Variants in HADHB observed in about 807,000 individuals in gnomAD.
The protein encoded by HADHB is trifunctional enzyme subunit beta, mitochondrial.
A neutral mutation model predicts 61.9 loss-of-function variants in HADHB; 50 were observed. The observed-to-expected ratio is 0.81, with a 90% confidence interval of 0.64 to 1.02. The LOEUF is 1.02. Among genes scored for constraint, HADHB ranks in the 50% least tolerant of loss-of-function variants. HADHB has a pLI of 0.00. For synonymous variants in HADHB, 191 were observed against 201.6 expected, an observed-to-expected ratio of 0.95 and a Z score of 0.45; for missense variants, 504 against 586.5, an observed-to-expected ratio of 0.86 and a Z score of 1.45.
At chr2:26,284,239 T>C (rs772100693) in intron 13 of HADHB, 35 bp downstream of exon 13, 2 of 1,099,956 alleles carry the variant, frequency 1.8e-6, no homozygotes, top group South Asian at 1.2e-5. Context: ...GAAGGGACTA[T>C]AGTCATAAAA....
chr2:26,277,233 CTTTTTTTTTTTT>C (rs34696184), intron 7 of HADHB, 73 bp downstream of exon 7: 6 of 438,918 alleles, frequency 1.4e-5, no homozygotes, highest in South Asian at 1.2e-4. Context: ...TAAAAATGTA[CTTTTTTTTTTTT>C]TTTTTTTTTT....
intron 3 of HADHB, among the ~76,000 whole-genome samples, chr2:26,259,455 C>T (rs1417180308): frequency 6.6e-6 from 1 of 152,126 alleles, no homozygotes; most frequent in Non-Finnish European, 1.5e-5. Context: ...AAGATCAGCT[C>T]CTGGTCAACA....
Position 26,287,229 on chromosome 2 carries a change from T to TA in HADHB, c.1389+1659dup, listed in dbSNP as rs534155153. Among the ~76,000 whole-genome samples the TA allele has an allele frequency of 2.3e-4, 35 of 152,278 alleles. 1 individual carries two copies. The South Asian group carries it at 6.0e-3, about 26-fold the overall frequency. On this transcript the variant is annotated intron_variant, in intron 15 of 15. Transcript: ENST00000317799. The stretch of plus-strand genomic sequence containing the variant: ...AAAATAAAGTAAATGAAATAAATCT[T>TA]ACGTTTAAAAGCCCTTTTTCATGGA...
Position 26,279,890 on chromosome 2 carries a change from G to T in HADHB, c.812-104G>T, listed in dbSNP as rs2147826254. 3.5e-6 allele frequency: 3 copies of T among 858,762 alleles called. 1 individual carries two copies. In the South Asian group the frequency reaches 4.4e-5, roughly 13 times the overall value. 53.2% of individuals were successfully genotyped at this position (858,762 alleles called of 1,614,324 possible). On this transcript the variant is annotated intron_variant, in intron 9 of 15. Coordinates refer to ENST00000317799, the MANE Select transcript of HADHB (RefSeq NM_000183.3). ...ACTTTCCTTCTAGTGAATAGGTAAGGTTTATATTTCATTTGTTTTTGTAAT... is the reference window on the plus strand; with the variant it reads ...ACTTTCCTTCTAGTGAATAGGTAAGTTTTATATTTCATTTGTTTTTGTAAT...
chr2:26,271,260 C>T (rs1672337172), intron 5 of HADHB, among the ~76,000 whole-genome samples: 1 of 151,160 alleles, frequency 6.6e-6, no homozygotes. Context: ...GTAATCCCAG[C>T]ACTTTGGGAG....
intron 5 of HADHB, among the ~76,000 whole-genome samples, chr2:26,272,346 CT>C (rs11340590): frequency 0.1 from 14,013 of 135,906 alleles, 1,825 homozygotes; most frequent in East Asian, 0.72. Context: ...TCCCATTTGT[CT>C]TTTTTTTTTT....
chr2:26,263,501 T>G (rs1558347479), intron 4 of HADHB, 22 bp downstream of exon 4: 2 of 1,428,736 alleles, frequency 1.4e-6, no homozygotes, highest in Non-Finnish European at 2.0e-6. Flanking sequence ...ATGATCATAT[T>G]ATTTTTTTCC....
chr2:26,270,824 A>G (rs915295210), intron 5 of HADHB, among the ~76,000 whole-genome samples: 6 of 150,818 alleles, frequency 4.0e-5, no homozygotes, highest in Non-Finnish European at 7.4e-5. Flanking sequence ...CTTCTTAGTA[A>G]TATGCCTTTA....
chr2:26,275,910 T>C (rs1672518085), intron 6 of HADHB, among the ~76,000 whole-genome samples: 3 of 152,124 alleles, frequency 2.0e-5, no homozygotes, highest in South Asian at 4.1e-4. Context: ...TATAGGAGAG[T>C]GTGTTCTGAG....
At position 26,260,013 on chromosome 2, in the gene HADHB, T is replaced by C. The variant is rs554229595; in HGVS notation, c.110-3367T>C. ...GGAACCGAGTAAAACAAGCTATTTG[T>C]TAGAAGAGTTAAGAATTTGAATTTT... On this transcript the variant is annotated intron_variant, in intron 3 of 15. Transcript: ENST00000317799. 2.6e-4 allele frequency among the ~76,000 whole-genome samples: 40 copies of C among 152,204 alleles called. 1 individual carries two copies. Among genetic ancestry groups the C allele is most frequent in the African/African-American group, 9.1e-4 (38 of 41,542 alleles).
chr2:26,250,823 A>C (rs996591112), intron 1 of HADHB, among the ~76,000 whole-genome samples: 5 of 152,026 alleles, frequency 3.3e-5, no homozygotes, highest in African/African-American at 1.2e-4. Flanking sequence ...CCTGTCTCTA[A>C]AAAATACATA....
intron 1 of HADHB, among the ~76,000 whole-genome samples, chr2:26,249,502 C>T (rs773627594): frequency 6.6e-6 from 1 of 152,172 alleles, no homozygotes; most frequent in East Asian, 1.9e-4. Context: ...CAGAGTGAGA[C>T]TCCGTCTCAA....
At chr2:26,282,816 T>C in intron 10 of HADHB, 29 bp from the exon 11 acceptor site, 1 of 1,554,466 alleles carries the variant, frequency 6.4e-7, no homozygotes, top group South Asian at 1.1e-5. Context: ...GGCTGAAGAA[T>C]TTTAACATTG....
intron 10 of HADHB, among the ~76,000 whole-genome samples, chr2:26,280,575 G>A (rs938670469): frequency 1.3e-5 from 2 of 152,050 alleles, no homozygotes; most frequent in African/African-American, 4.8e-5. Flanking sequence ...ATTTCAGGCC[G>A]GGTGCGGTGG....
chr2:26,280,179 GC>G lies in HADHB; in HGVS notation c.933+66del, dbSNP rs1558358013. The G allele has an allele frequency of 3.7e-6, 5 of 1,337,392 alleles. No individual in the cohort carries two copies. The East Asian group carries it at 1.1e-4, about 31-fold the overall frequency. The allele number at this position is 1,337,392 out of a possible 1,614,324, so 82.8% of individuals were successfully genotyped here. A position where few individuals can be genotyped will look rare whatever the true frequency, so the allele number is the denominator to read the frequency against. On this transcript the variant is annotated intron_variant, in intron 10 of 15. Transcript: ENST00000317799. ...CTATTTCTGTACTCTCTGTAGAAAA[GC>G]CTAATATAACTTTTTGTGTGTGTTA...
In HADHB at chr2:26,254,466, C is replaced by G. The variant is rs1671531344; in HGVS notation, c.101C>G (p.Ala34Gly). ...CTGAGCTGTTCCTCCCAGCTACGAGCTGCCCCAGGTACAGTAATTTGTAAA... is the reference window on the plus strand; with the variant it reads ...CTGAGCTGTTCCTCCCAGCTACGAGGTGCCCCAGGTACAGTAATTTGTAAA... The part of the protein sequence containing the change: ...RPLSCSSQLR[A>G]APAVQTKTKK... Residue 34 changes from alanine to glycine, a missense_variant, in exon 3 of 16, where the codon GCT becomes GGT. Ala to Gly is a moderately conservative substitution (Grantham distance 60, BLOSUM62 0). Coordinates refer to ENST00000317799, the MANE Select transcript of HADHB (RefSeq NM_000183.3). 1 of 1,577,486 alleles carries G rather than the reference C, an allele frequency of 6.3e-7. No individual in the cohort carries two copies. The highest frequency in any genetic ancestry group is 1.3e-5 in the African/African-American group (1 of 74,226).
intron 3 of HADHB, among the ~76,000 whole-genome samples, chr2:26,263,028 G>C (rs1671923509): frequency 6.6e-6 from 1 of 152,022 alleles, no homozygotes; most frequent in South Asian, 2.1e-4. Context: ...GGCCAGGCAC[G>C]GTAGCTCACA....
intron 3 of HADHB, among the ~76,000 whole-genome samples, chr2:26,257,647 A>C (rs1671685247): frequency 6.6e-6 from 1 of 151,912 alleles, no homozygotes; most frequent in African/African-American, 2.4e-5. Flanking sequence ...GCAGGGCCAA[A>C]GCAGCCCTAA....
At position 26,261,213 on chromosome 2, in the gene HADHB, C is replaced by CCT. The variant is rs1491210687; in HGVS notation, c.110-2166_110-2165insTC. On this transcript the variant is annotated intron_variant, in intron 3 of 15. Coordinates refer to ENST00000317799, the MANE Select transcript of HADHB (RefSeq NM_000183.3). ...CAAAACAACAACAACACAACAAATA[C>CCT]CCCCCCCCCATCCAGACAAACAAAA... 10 of 254,966 alleles carry CCT rather than the reference C, an allele frequency of 3.9e-5. No homozygotes were observed. The African/African-American group carries it at 7.6e-4, about 19-fold the overall frequency. 15.8% of individuals were successfully genotyped at this position (254,966 alleles called of 1,614,324 possible). A position where few individuals can be genotyped will look rare whatever the true frequency, so the allele number is the denominator to read the frequency against.
Sources: allele counts gnomAD v4.1 joint callset (sites outside exome capture counted in the v4.1 genomes callset), GRCh38; gene constraint gnomAD v4.1.1; transcripts MANE v1.5; gene names NCBI Gene and HGNC (gene_info 2026-07-23, HGNC 2026-07-21).